Variants in SULF1 observed in about 807,000 individuals in gnomAD.
SULF1 encodes sulfatase 1, also known as extracellular sulfatase Sulf-1.
In SULF1, 46 loss-of-function variants were observed where a neutral mutation model predicts 110.5. That is an observed-to-expected ratio of 0.42 (90% confidence interval 0.33 to 0.53). The LOEUF is 0.53. SULF1 is among the 20% of genes least tolerant of loss of function. SULF1 has a pLI of 0.12. For missense variants in SULF1, 941 were observed against 1,094.2 expected (o/e 0.86, Z 1.98); for synonymous variants, 371 against 387.1 (o/e 0.96, Z 0.49).
chr8:69,549,377 C>A (rs1814524842), intron 3 of SULF1, among the ~76,000 whole-genome samples: 1 of 152,158 alleles, frequency 6.6e-6, no homozygotes, highest in East Asian at 1.9e-4. Context: ...TATCTAGAGA[C>A]CCTCTTTTCC....
chr8:69,498,086 G>GCT (rs974406105), intron 2 of SULF1, among the ~76,000 whole-genome samples: 7 of 147,998 alleles, frequency 4.7e-5, no homozygotes, highest in African/African-American at 1.3e-4. Context: ...ACTCATGAGT[G>GCT]CTCTCTCTCT....
chr8:69,555,450 G>A (rs1336546834), intron 3 of SULF1, among the ~76,000 whole-genome samples: 1 of 152,226 alleles, frequency 6.6e-6, no homozygotes, highest in Non-Finnish European at 1.5e-5. Context: ...TTGAGGTCAG[G>A]AGTTCGAGAC....
chr8:69,484,077 T>C (rs1301405492), intron 1 of SULF1, among the ~76,000 whole-genome samples: 1 of 152,242 alleles, frequency 6.6e-6, no homozygotes, highest in Non-Finnish European at 1.5e-5. Flanking sequence ...AGGTTGGATA[T>C]GGACCCAGAA....
intron 19 of SULF1, chr8:69,637,958 G>A (rs746060427): frequency 1.5e-4 from 23 of 155,286 alleles, no homozygotes; most frequent in Non-Finnish European, 1.4e-4. Context: ...TGTGGTCACA[G>A]CCTAGCTCAG....
intron 3 of SULF1, among the ~76,000 whole-genome samples, chr8:69,534,781 T>C (rs1813325521): frequency 6.6e-6 from 1 of 152,106 alleles, no homozygotes; most frequent in African/African-American, 2.4e-5. Flanking sequence ...ATGTGTTACA[T>C]TGATACAACT....
At chr8:69,582,461 T>C (rs1252302470) in intron 6 of SULF1, among the ~76,000 whole-genome samples, 1 of 152,190 alleles carries the variant, frequency 6.6e-6, no homozygotes, top group African/African-American at 2.4e-5. Flanking sequence ...TGCCAGGCAC[T>C]GTTTTCAGCG....
intron 3 of SULF1, among the ~76,000 whole-genome samples, chr8:69,540,438 C>T (rs143445306): frequency 9.4e-4 from 143 of 152,292 alleles, no homozygotes; most frequent in Non-Finnish European, 1.5e-3. Flanking sequence ...ATTTTATGGA[C>T]GAGAAATTAT....
chr8:69,591,207 T>C (rs1305416983), intron 8 of SULF1, among the ~76,000 whole-genome samples: 2 of 152,066 alleles, frequency 1.3e-5, no homozygotes, highest in African/African-American at 4.8e-5. Context: ...CAGTACTGCA[T>C]GAGGGGAGGA....
intron 7 of SULF1, 84 bp downstream of exon 7, chr8:69,586,592 C>T (rs1806481942): frequency 3.6e-6 from 5 of 1,399,160 alleles, no homozygotes; most frequent in Non-Finnish European, 2.9e-6. Context: ...AAACTATCCA[C>T]AAGATTGGCT....
Position 69,576,124 on chromosome 8 carries a change from C to T in SULF1, c.327C>T (p.Asn109=), listed in dbSNP as rs370128603. Reference sequence around the variant, plus strand: ...ACAATCACAATGTCTACACCAACAACGAGAACTGCTCTTCCCCCTCGTGGC... The same window carrying T: ...ACAATCACAATGTCTACACCAACAATGAGAACTGCTCTTCCCCCTCGTGGC... ...YVHNHNVYTN[N]ENCSSPSWQA... The change falls in exon 6 of 23, where the codon AAC becomes AAT. Residue 109 remains asparagine, a synonymous_variant. Coordinates refer to ENST00000402687, the MANE Select transcript of SULF1 (RefSeq NM_001128205.2). The T allele has an allele frequency of 3.2e-5, 52 of 1,614,228 alleles. No homozygotes were observed. In the East Asian group the frequency reaches 5.8e-4, roughly 18 times the overall value.
chr8:69,564,217 G>A (rs1815706881), intron 5 of SULF1, 70 bp downstream of exon 5: 1 of 1,564,260 alleles, frequency 6.4e-7, no homozygotes, highest in Non-Finnish European at 8.8e-7. Context: ...AGGATTATCA[G>A]GAGACATTCT....
intron 13 of SULF1, among the ~76,000 whole-genome samples, chr8:69,616,098 C>T (rs1200069561): frequency 3.7e-5 from 5 of 136,654 alleles, no homozygotes; most frequent in Non-Finnish European, 8.1e-5. Flanking sequence ...TATATATATA[C>T]ACACATATAT....
chr8:69,614,838 C>A (rs1563588582), intron 13 of SULF1, among the ~76,000 whole-genome samples: 1 of 152,212 alleles, frequency 6.6e-6, no homozygotes, highest in Non-Finnish European at 1.5e-5. Flanking sequence ...TTATCTAGCA[C>A]CTCACCCATA....
chr8:69,566,433 C>T (rs1815888421), intron 5 of SULF1, among the ~76,000 whole-genome samples: 1 of 152,090 alleles, frequency 6.6e-6, no homozygotes, highest in South Asian at 2.1e-4. Flanking sequence ...CAAGTATTGC[C>T]TTCTGTTGGA....
At chr8:69,548,373 G>A (rs577231854) in intron 3 of SULF1, among the ~76,000 whole-genome samples, 5 of 152,058 alleles carry the variant, frequency 3.3e-5, no homozygotes, top group African/African-American at 1.2e-4. Flanking sequence ...TTTATGTATT[G>A]GGCAAACTGC....
chr8:69,484,862 T>TCTTCTTCTTCTTCTTC (rs150917549), intron 1 of SULF1, among the ~76,000 whole-genome samples: 2 of 141,828 alleles, frequency 1.4e-5, no homozygotes, highest in African/African-American at 5.3e-5. Flanking sequence ...TTCTTCTTCT[T>TCTTCTTCTTCTTCTTC]TTCTTCCTCC....
At chr8:69,654,241 C>A (rs80294937) in intron 22 of SULF1, among the ~76,000 whole-genome samples, 5,177 of 152,312 alleles carry the variant, frequency 0.034, 312 homozygotes, top group African/African-American at 0.12. Flanking sequence ...TCCTCCATCT[C>A]TCCATTTATG....
At chr8:69,471,215 C>G (rs1809068874) in intron 1 of SULF1, among the ~76,000 whole-genome samples, 1 of 152,144 alleles carries the variant, frequency 6.6e-6, no homozygotes, top group South Asian at 2.1e-4. Flanking sequence ...TATTCCTTGA[C>G]TTCTCAGGTG....
chr8:69,494,440 A>T (rs184313969), intron 1 of SULF1, among the ~76,000 whole-genome samples: 8 of 152,296 alleles, frequency 5.3e-5, no homozygotes, highest in Admixed American at 2.6e-4. Context: ...ATATTATAAA[A>T]TTATGTCTTT....
Sources: gnomAD v4.1 joint callset for allele counts (sites outside exome capture counted in the v4.1 genomes callset) on GRCh38, gnomAD v4.1.1 for gene constraint, MANE v1.5 for transcripts, NCBI Gene and HGNC (gene_info 2026-07-23, HGNC 2026-07-21) for gene names.